NEIL3: variants seen among roughly 807,000 people sequenced by gnomAD.
NEIL3 encodes nei like DNA glycosylase 3, also known as endonuclease 8-like 3.
Under a neutral mutation model 57.5 loss-of-function variants are expected in NEIL3, and 48 were observed. The ratio of observed to expected loss-of-function variants is 0.83; its 90% CI spans 0.66 to 1.06. The LOEUF (loss-of-function observed/expected upper bound fraction) is 1.06, where lower values mean the gene tolerates loss of function less well. Among genes scored for constraint, NEIL3 ranks in the 50% least tolerant of loss-of-function variants. The pLI is 0.00. For missense variants in NEIL3, 717 were observed against 739.1 expected (o/e 0.97, Z 0.35); for synonymous variants, 261 against 253.2 (o/e 1.03, Z -0.29).
At chr4:177,355,834 A>G (rs1007922974) in intron 8 of NEIL3, among the ~76,000 whole-genome samples, 1 of 152,128 alleles carries the variant, frequency 6.6e-6, no homozygotes. Context: ...TAAATTTACC[A>G]TCAGTTAATC....
intron 8 of NEIL3, 26 bp downstream of exon 8, chr4:177,353,754 T>C: frequency 6.4e-7 from 1 of 1,558,812 alleles, no homozygotes; most frequent in Non-Finnish European, 8.7e-7. Context: ...CCTTGGTCTT[T>C]AAGATAATTG....
At chr4:177,360,337 A>G (rs1206006304) in intron 8 of NEIL3, among the ~76,000 whole-genome samples, 166 bp from the exon 9 acceptor site, 1 of 152,222 alleles carries the variant, frequency 6.6e-6, no homozygotes. Context: ...TACCTGGGAA[A>G]ACAAAGAATA....
chr4:177,333,428 G>T (rs1258375117), intron 2 of NEIL3, among the ~76,000 whole-genome samples: 1 of 152,110 alleles, frequency 6.6e-6, no homozygotes, highest in East Asian at 1.9e-4. Context: ...GAACTTGGTT[G>T]CAAGTGACAG....
At chr4:177,311,977 C>T (rs539464949) in intron 1 of NEIL3, among the ~76,000 whole-genome samples, 6 of 152,282 alleles carry the variant, frequency 3.9e-5, no homozygotes, top group South Asian at 4.1e-4. Flanking sequence ...CTAGCTCCTG[C>T]GGATACGAAG....
In NEIL3 at chr4:177,336,249, CGTATTGCCTGGA is replaced by C; in HGVS notation, c.559_570del (p.Leu187_Val190del). ...TAGGTGATGTGCTAATGGATCAGAA[CGTATTGCCTGGA>C]GTAGGGAACATCATCAAAAATGAAG... On this transcript the variant is annotated inframe_deletion, in exon 4 of 10. Transcript: ENST00000264596. 6.2e-7 allele frequency: 1 copy of C among 1,614,196 alleles called. No individual in the cohort carries two copies. The highest frequency in any genetic ancestry group is 8.5e-7 in the Non-Finnish European group (1 of 1,180,028).
At position 177,309,887 on chromosome 4, in the gene NEIL3, C is replaced by A. The variant is rs1454900519; in HGVS notation, c.-67C>A. ...CTGCGTGCGGTCAGTGCCCGCGCAG[C>A]GTTGAGTTGCACAGCGGTATTCTCA... On this transcript the variant is annotated 5_prime_UTR_variant, in exon 1 of 10. Transcript: ENST00000264596. 1.3e-6 allele frequency: 2 copies of A among 1,541,028 alleles called. No individual in the cohort carries two copies. Among genetic ancestry groups the A allele is most frequent in the African/African-American group, 2.8e-5 (2 of 70,542 alleles).
At chr4:177,323,764 G>C (rs532770987) in intron 2 of NEIL3, among the ~76,000 whole-genome samples, 1 of 152,284 alleles carries the variant, frequency 6.6e-6, no homozygotes, top group East Asian at 1.9e-4. Flanking sequence ...TCTGGTGTTA[G>C]GTACAGATTT....
rs759120429 is a variant in NEIL3, at chr4:177,353,564, C to G, written c.1296C>G (p.Pro432=). The G allele has an allele frequency of 5.6e-6, 9 of 1,613,202 alleles. No homozygotes were observed. Among genetic ancestry groups the G allele is most frequent in the Non-Finnish European group, 5.9e-6 (7 of 1,179,446 alleles). Reference sequence around the variant, plus strand: ...TTTGTTTGAATGATATACAGCACCCCTCCAAGAAGACAACAAACGATATAA... The same window carrying G: ...TTTGTTTGAATGATATACAGCACCCGTCCAAGAAGACAACAAACGATATAA... ...ASVCLNDIQH[P]SKKTTNDITQ... is the part of the protein sequence containing the mutation. The change falls in exon 8 of 10, where the codon CCC becomes CCG. Residue 432 remains proline, a synonymous_variant. Transcript: ENST00000264596.
At chr4:177,322,660 C>A in intron 2 of NEIL3, 80 bp downstream of exon 2, 2 of 1,532,400 alleles carry the variant, frequency 1.3e-6, no homozygotes, top group East Asian at 2.3e-5. Context: ...TGCCGGGTGT[C>A]ACATTTAATC....
At chr4:177,356,553 C>G (rs1231031413) in intron 8 of NEIL3, among the ~76,000 whole-genome samples, 7 of 152,192 alleles carry the variant, frequency 4.6e-5, no homozygotes. Context: ...TAGTGTTCAT[C>G]TTGTGGACAA....
At chr4:177,349,514 C>T (rs560877866) in intron 6 of NEIL3, among the ~76,000 whole-genome samples, 2 of 152,222 alleles carry the variant, frequency 1.3e-5, no homozygotes, top group African/African-American at 4.8e-5. Context: ...CTTATAAAGA[C>T]ACTTGTGATT....
intron 2 of NEIL3, among the ~76,000 whole-genome samples, chr4:177,323,175 G>T (rs1438714274): frequency 6.6e-6 from 1 of 152,172 alleles, no homozygotes; most frequent in Admixed American, 6.5e-5. Flanking sequence ...ATATGTAATT[G>T]TGATGCATGA....
intron 2 of NEIL3, among the ~76,000 whole-genome samples, chr4:177,324,702 T>C (rs1734746550): frequency 6.6e-6 from 1 of 152,156 alleles, no homozygotes; most frequent in Non-Finnish European, 1.5e-5. Context: ...ACTTGAAGTT[T>C]TTGCTACAAA....
intron 9 of NEIL3, among the ~76,000 whole-genome samples, chr4:177,362,011 A>G (rs946814658): frequency 1.3e-5 from 2 of 152,202 alleles, no homozygotes; most frequent in African/African-American, 4.8e-5. Flanking sequence ...ATTATTCTTA[A>G]CAAAGTGAAG....
chr4:177,359,201 A>G (rs1297537843), intron 8 of NEIL3, among the ~76,000 whole-genome samples: 1 of 152,178 alleles, frequency 6.6e-6, no homozygotes, highest in African/African-American at 2.4e-5. Context: ...TACCCTGGAA[A>G]AGTTACCATC....
Position 177,353,792 on chromosome 4 carries a change from G to A in NEIL3, c.1460+64G>A, listed in dbSNP as rs1023725770. On this transcript the variant is annotated intron_variant, in intron 8 of 9. Coordinates refer to ENST00000264596, the MANE Select transcript of NEIL3 (RefSeq NM_018248.3). ...TTTTTTTTTTTTTTTTTAAGACGAG[G>A]TCTCACTCTGTCACCTAGGCTACAG... 1.4e-5 allele frequency: 19 copies of A among 1,338,774 alleles called. 1 individual carries two copies. In the African/African-American group the frequency reaches 1.8e-4, roughly 13 times the overall value. 82.9% of individuals were successfully genotyped at this position (1,338,774 alleles called of 1,614,324 possible).
intron 6 of NEIL3, among the ~76,000 whole-genome samples, chr4:177,348,708 C>T (rs549586732): frequency 6.6e-6 from 1 of 152,052 alleles, no homozygotes; most frequent in East Asian, 1.9e-4. Flanking sequence ...GCAGCAGATC[C>T]CACGGGATTT....
intron 5 of NEIL3, 136 bp downstream of exon 5, chr4:177,339,993 T>C (rs1000024129): frequency 1.6e-6 from 1 of 625,236 alleles, no homozygotes; most frequent in African/African-American, 1.8e-5. Context: ...AGAGTGACAT[T>C]ATGTGGGTGT....
downstream of NEIL3, among the ~76,000 whole-genome samples, chr4:177,366,467 C>T (rs1286866924): frequency 6.6e-6 from 1 of 152,172 alleles, no homozygotes; most frequent in African/African-American, 2.4e-5. Flanking sequence ...GGCACAATCT[C>T]GGCTCACTGC....
Sources: allele counts gnomAD v4.1 joint callset (sites outside exome capture counted in the v4.1 genomes callset), GRCh38; gene constraint gnomAD v4.1.1; transcripts MANE v1.5; gene names NCBI Gene and HGNC (gene_info 2026-07-23, HGNC 2026-07-21).